The following TNPO3 variants were observed in gnomAD, a reference collection of about 807,000 sequenced individuals.
The protein encoded by TNPO3 is transportin 3, also known as transportin-3.
Under a neutral mutation model 122.8 loss-of-function variants are expected in TNPO3, and 65 were observed. That is an observed-to-expected ratio of 0.53 (90% CI 0.43 to 0.65). TNPO3 has a LOEUF of 0.65. Ranked by LOEUF, TNPO3 falls within the 30% of genes least tolerant of loss-of-function variation. The probability of loss-of-function intolerance (pLI) is 0.00; values close to 1 mark genes in which losing one functional copy is unlikely to be tolerated. For missense variants in TNPO3, 850 were observed against 1,136.7 expected (o/e 0.75, Z 3.63); for synonymous variants, 372 against 411.2 (o/e 0.90, Z 1.15).
At chr7:128,960,762 T>C (rs1236372901) in intron 21 of TNPO3, among the ~76,000 whole-genome samples, 1 of 151,258 alleles carries the variant, frequency 6.6e-6, no homozygotes, top group East Asian at 1.9e-4. Flanking sequence ...ATTATTATTA[T>C]TATTATTATT....
At chr7:128,973,466 G>A (rs1426310974) in intron 18 of TNPO3, among the ~76,000 whole-genome samples, 1 of 151,832 alleles carries the variant, frequency 6.6e-6, no homozygotes, top group African/African-American at 2.4e-5. Context: ...GCCGGGCGTG[G>A]TGGCTCAGGC....
At chr7:128,989,702 G>T (rs1800547907) in intron 11 of TNPO3, among the ~76,000 whole-genome samples, 2 of 152,294 alleles carry the variant, frequency 1.3e-5, no homozygotes, top group Admixed American at 1.3e-4. Flanking sequence ...AAATGTTCAT[G>T]CTTAAACAGA....
intron 1 of TNPO3, among the ~76,000 whole-genome samples, chr7:129,052,684 T>A (rs2150577279): frequency 6.6e-6 from 1 of 152,362 alleles, no homozygotes; most frequent in South Asian, 2.1e-4. Flanking sequence ...ACTCATTTAA[T>A]CACAACTACC....
intron 1 of TNPO3, among the ~76,000 whole-genome samples, chr7:129,039,244 T>C (rs1437739992): frequency 6.6e-6 from 1 of 152,112 alleles, no homozygotes; most frequent in Non-Finnish European, 1.5e-5. Context: ...GAAAACAGGA[T>C]GCCATTCCTT....
chr7:129,010,728 T>C (rs1260672605), intron 4 of TNPO3, among the ~76,000 whole-genome samples: 2 of 152,218 alleles, frequency 1.3e-5, no homozygotes, highest in Non-Finnish European at 2.9e-5. Context: ...GTACCTATGA[T>C]ATATTCTAGC....
intron 13 of TNPO3, 67 bp downstream of exon 13, chr7:128,984,101 T>A (rs1403360364): frequency 9.7e-7 from 1 of 1,025,864 alleles, no homozygotes; most frequent in African/African-American, 1.6e-5. Flanking sequence ...AATAAGTAAT[T>A]TCATCTTTTC....
intron 10 of TNPO3, among the ~76,000 whole-genome samples, chr7:128,991,565 G>A (rs1424867800): frequency 6.6e-6 from 1 of 152,090 alleles, no homozygotes; most frequent in Non-Finnish European, 1.5e-5. Context: ...AGGTGAAAAG[G>A]TGCCTATGCC....
chr7:129,019,042 T>C (rs1440181632), intron 1 of TNPO3, among the ~76,000 whole-genome samples: 1 of 152,152 alleles, frequency 6.6e-6, no homozygotes, highest in Non-Finnish European at 1.5e-5. Flanking sequence ...TCTGATGTAT[T>C]ACTACTTGGC....
Position 129,050,060 on chromosome 7 carries a change from CTTTTCTTTT to C in TNPO3, c.120+4582_120+4590del, listed in dbSNP as rs371223091. 1.7e-3 allele frequency among the ~76,000 whole-genome samples: 262 copies of C among 152,086 alleles called. 7 individuals are homozygous for C. The East Asian group carries it at 0.045, about 26-fold the overall frequency. ...GCAATATAGCGAGACCCCAACTTTTCTTTTCTTTTTTTTCTTTTTTTAAAAAGGGTGAGG... is the reference window on the plus strand; with the variant it reads ...GCAATATAGCGAGACCCCAACTTTTCTTTTCTTTTTTTAAAAAGGGTGAGG... On this transcript the variant is annotated intron_variant, in intron 1 of 22. Transcript: ENST00000265388.
At chr7:129,026,683 C>A (rs1242634476) in intron 1 of TNPO3, among the ~76,000 whole-genome samples, 1 of 152,184 alleles carries the variant, frequency 6.6e-6, no homozygotes, top group Non-Finnish European at 1.5e-5. Context: ...GGATTACAGG[C>A]ATGAGCCACT....
At chr7:129,035,777 T>A (rs1806576339) in intron 1 of TNPO3, among the ~76,000 whole-genome samples, 1 of 152,116 alleles carries the variant, frequency 6.6e-6, no homozygotes, top group Admixed American at 6.5e-5. Flanking sequence ...CTGATGTGAT[T>A]GAGTAAAAAT....
chr7:129,011,005 G>A (rs553520014), intron 4 of TNPO3, among the ~76,000 whole-genome samples: 11 of 152,036 alleles, frequency 7.2e-5, no homozygotes, highest in South Asian at 4.2e-4. Flanking sequence ...TCCTAAGGGC[G>A]GTATATAGCT....
intron 10 of TNPO3, 72 bp downstream of exon 10, chr7:128,991,925 GAA>G: frequency 8.0e-6 from 8 of 1,003,928 alleles, no homozygotes; most frequent in South Asian, 3.3e-5. Context: ...TACCATATAA[GAA>G]AAAAAAAATA....
intron 4 of TNPO3, among the ~76,000 whole-genome samples, chr7:129,008,274 T>C (rs1026569672): frequency 1.3e-5 from 2 of 152,022 alleles, no homozygotes; most frequent in African/African-American, 4.8e-5. Context: ...CCCAGCACTT[T>C]GGGAGGCTGA....
At chr7:128,991,941 T>G (rs1028386466) in intron 10 of TNPO3, 58 bp downstream of exon 10, 20 of 1,250,990 alleles carry the variant, frequency 1.6e-5, no homozygotes, top group Non-Finnish European at 2.3e-5. Context: ...AAAAATAGTG[T>G]CATTTTCCTT....
intron 21 of TNPO3, among the ~76,000 whole-genome samples, chr7:128,966,258 A>AT (rs1480606323): frequency 6.6e-6 from 1 of 152,116 alleles, no homozygotes; most frequent in Non-Finnish European, 1.5e-5. Flanking sequence ...TCTGTTAATT[A>AT]TTTAACTTTT....
intron 1 of TNPO3, among the ~76,000 whole-genome samples, chr7:129,019,894 G>A (rs1223698017): frequency 6.6e-6 from 1 of 152,082 alleles, no homozygotes; most frequent in Non-Finnish European, 1.5e-5. Flanking sequence ...TACTTGGGAG[G>A]CTGAGACAGG....
At chr7:129,023,584 G>T (rs1804782872) in intron 1 of TNPO3, among the ~76,000 whole-genome samples, 1 of 152,050 alleles carries the variant, frequency 6.6e-6, no homozygotes, top group African/African-American at 2.4e-5. Context: ...AAGACTACTA[G>T]AGTCATTTCA....
intron 1 of TNPO3, among the ~76,000 whole-genome samples, chr7:129,046,195 CAAAAAAAAAAA>C (rs5887409): frequency 8.8e-5 from 7 of 79,302 alleles, no homozygotes; most frequent in South Asian, 5.1e-4. Context: ...GACTCCGTCT[CAAAAAAAAAAA>C]AAAAAAAAAA....
Sources: gnomAD v4.1 joint callset for allele counts (sites outside exome capture counted in the v4.1 genomes callset) on GRCh38, gnomAD v4.1.1 for gene constraint, MANE v1.5 for transcripts, NCBI Gene and HGNC (gene_info 2026-07-23, HGNC 2026-07-21) for gene names.